Variants in NPAS3 observed in about 807,000 individuals in gnomAD.
NPAS3 encodes the protein neuronal PAS domain protein 3, also known as neuronal PAS domain-containing protein 3.
In NPAS3, 14 loss-of-function variants were observed where a neutral mutation model predicts 73.1. The observed-to-expected ratio is 0.19, with a 90% CI of 0.13 to 0.30. The LOEUF is 0.30. NPAS3 is among the 10% of genes least tolerant of loss of function. The pLI, the probability that NPAS3 is intolerant of heterozygous loss-of-function variation, is 1.00. For missense variants in NPAS3, 1,096 were observed against 1,250.0 expected, an observed-to-expected ratio of 0.88 and a Z score of 1.86; for synonymous variants, 620 against 541.5, an observed-to-expected ratio of 1.14 and a Z score of -2.01.
At chr14:33,102,618 C>T (rs2042608910) in intron 2 of NPAS3, among the ~76,000 whole-genome samples, 1 of 152,044 alleles carries the variant, frequency 6.6e-6, no homozygotes, top group East Asian at 1.9e-4. Flanking sequence ...GTTAAGACAA[C>T]ATCATGAGAC....
At chr14:33,413,462 T>G (rs886412910) in intron 4 of NPAS3, among the ~76,000 whole-genome samples, 2 of 152,068 alleles carry the variant, frequency 1.3e-5, no homozygotes, top group African/African-American at 4.8e-5. Context: ...ATCTATCTTT[T>G]GGAGATAGAT....
intron 5 of NPAS3, among the ~76,000 whole-genome samples, chr14:33,623,693 C>G (rs1189299061): frequency 6.6e-6 from 1 of 152,192 alleles, no homozygotes; most frequent in Admixed American, 6.5e-5. Flanking sequence ...TGTGACCTGC[C>G]AAGGCCTCCT....
intron 1 of NPAS3, among the ~76,000 whole-genome samples, chr14:32,965,425 A>C (rs2037110429): frequency 6.6e-6 from 1 of 152,194 alleles, no homozygotes; most frequent in Non-Finnish European, 1.5e-5. Flanking sequence ...AATAAATTTG[A>C]CACATAACAT....
At chr14:33,668,529 G>T (rs2059520529) in intron 5 of NPAS3, among the ~76,000 whole-genome samples, 1 of 152,062 alleles carries the variant, frequency 6.6e-6, no homozygotes, top group South Asian at 2.1e-4. Flanking sequence ...TAAAATATAA[G>T]AGCTGGGCTG....
intron 7 of NPAS3, among the ~76,000 whole-genome samples, chr14:33,742,949 A>G (rs186089534): frequency 1.2e-4 from 18 of 152,290 alleles, no homozygotes; most frequent in Admixed American, 1.2e-3. Flanking sequence ...GACTACAGCA[A>G]TTCAGTCACA....
At chr14:32,948,269 A>G (rs2036344526) in intron 1 of NPAS3, among the ~76,000 whole-genome samples, 2 of 152,106 alleles carry the variant, frequency 1.3e-5, no homozygotes, top group Admixed American at 1.3e-4. Context: ...TGGGGATGTC[A>G]AAGTTGTCCA....
intron 6 of NPAS3, among the ~76,000 whole-genome samples, chr14:33,689,443 TG>T (rs1304196069): frequency 1.3e-5 from 2 of 152,188 alleles, no homozygotes; most frequent in African/African-American, 4.8e-5. Flanking sequence ...TTATTCCTAA[TG>T]GAAAGGGTGG....
At chr14:32,963,364 A>G (rs1016926014) in intron 1 of NPAS3, among the ~76,000 whole-genome samples, 1 of 152,238 alleles carries the variant, frequency 6.6e-6, no homozygotes, top group African/African-American at 2.4e-5. Context: ...GCTAAAAAAG[A>G]TAATGGATCA....
At chr14:32,974,631 G>A (rs1347706617) in intron 1 of NPAS3, among the ~76,000 whole-genome samples, 1 of 152,158 alleles carries the variant, frequency 6.6e-6, no homozygotes, top group East Asian at 1.9e-4. Context: ...CAGAGCTAAT[G>A]TCTCTGTTGG....
chr14:33,042,996 T>C (rs2040393560), intron 1 of NPAS3, among the ~76,000 whole-genome samples: 1 of 152,174 alleles, frequency 6.6e-6, no homozygotes, highest in Non-Finnish European at 1.5e-5. Flanking sequence ...GTACTTTATA[T>C]TATCTTGCTG....
At chr14:33,379,701 G>A (rs543570553) in intron 4 of NPAS3, among the ~76,000 whole-genome samples, 1 of 152,252 alleles carries the variant, frequency 6.6e-6, no homozygotes, top group African/African-American at 2.4e-5. Context: ...GTGAATGGGT[G>A]GGTGGGTGAT....
chr14:33,542,963 G>A (rs948766550), intron 4 of NPAS3, among the ~76,000 whole-genome samples: 10 of 152,314 alleles, frequency 6.6e-5, no homozygotes, highest in South Asian at 2.1e-4. Flanking sequence ...TTGTCAAGGG[G>A]ATGAAAGGCT....
intron 1 of NPAS3, among the ~76,000 whole-genome samples, chr14:33,003,143 C>T (rs1198160349): frequency 1.3e-5 from 2 of 151,382 alleles, no homozygotes; most frequent in African/African-American, 2.4e-5. Context: ...TCAGTGTTAG[C>T]CCTTTTTAAT....
intron 3 of NPAS3, among the ~76,000 whole-genome samples, chr14:33,252,322 T>C (rs1443852441): frequency 6.6e-6 from 1 of 151,962 alleles, no homozygotes; most frequent in Non-Finnish European, 1.5e-5. Context: ...AGAATGATAC[T>C]CAAATTAATT....
intron 5 of NPAS3, among the ~76,000 whole-genome samples, chr14:33,565,730 C>T (rs951564275): frequency 6.6e-6 from 1 of 152,084 alleles, no homozygotes; most frequent in Admixed American, 6.5e-5. Context: ...TATTTCAACA[C>T]AGCAGAGGGA....
intron 1 of NPAS3, among the ~76,000 whole-genome samples, chr14:33,028,561 T>G (rs1016170137): frequency 1.3e-5 from 2 of 152,230 alleles, no homozygotes; most frequent in Admixed American, 1.3e-4. Context: ...TTGGGATATA[T>G]TTGGACTCTG....
intron 5 of NPAS3, among the ~76,000 whole-genome samples, chr14:33,658,024 G>T (rs1196589318): frequency 1.3e-5 from 2 of 152,204 alleles, no homozygotes; most frequent in Non-Finnish European, 2.9e-5. Flanking sequence ...CCGCCTCTCA[G>T]CCCGAAAGGG....
chr14:33,211,104 A>T (rs946380701), intron 2 of NPAS3, among the ~76,000 whole-genome samples: 1 of 152,302 alleles, frequency 6.6e-6, no homozygotes, highest in Middle Eastern at 3.4e-3. Context: ...GATCTTATTT[A>T]AAAAAGACTC....
chr14:33,226,876 A>G (rs1391364558), intron 3 of NPAS3, among the ~76,000 whole-genome samples: 1 of 152,234 alleles, frequency 6.6e-6, no homozygotes, highest in East Asian at 1.9e-4. Flanking sequence ...ATCAGCACTG[A>G]TGATAAAAAC....
Sources: gnomAD v4.1 joint callset for allele counts (sites outside exome capture counted in the v4.1 genomes callset) on GRCh38, gnomAD v4.1.1 for gene constraint, MANE v1.5 for transcripts, NCBI Gene and HGNC (gene_info 2026-07-23, HGNC 2026-07-21) for gene names.